The following TUSC3 variants were observed in gnomAD, a reference collection of about 807,000 sequenced individuals.
TUSC3 encodes tumor suppressor candidate 3.
A neutral mutation model predicts 44.8 loss-of-function variants in TUSC3; 45 were observed. That is an observed-to-expected ratio of 1.00 (90% CI 0.79 to 1.29). The LOEUF (loss-of-function observed/expected upper bound fraction) is 1.29. Ranked by LOEUF, TUSC3 falls within the 50% of genes most tolerant of loss-of-function variation. The pLI is 0.00. For synonymous variants in TUSC3, 212 were observed against 152.9 expected (o/e 1.39, Z -2.85); for missense variants, 519 against 437.9 (o/e 1.19, Z -1.65).
At chr8:15,772,475 AAAAC>A in the TUSC3 span, among the ~76,000 whole-genome samples, 1 of 152,194 alleles carries the variant, frequency 6.6e-6, no homozygotes, top group South Asian at 2.1e-4. Flanking sequence ...TTACTCAACA[AAAAC>A]AAAATATGGA....
intron 1 of TUSC3, among the ~76,000 whole-genome samples, chr8:15,542,675 C>G (rs550278453): frequency 1.3e-5 from 2 of 152,190 alleles, no homozygotes; most frequent in South Asian, 4.2e-4. Flanking sequence ...ATAATTAAAT[C>G]TAAATTACAG....
At position 15,659,599 on chromosome 8, in the gene TUSC3, T is replaced by C. The variant is rs1807330791; in HGVS notation, c.519T>C (p.Phe173=). ...ADTFDLQRIG[F]AAEQLAKWIA... is the part of the protein sequence containing the mutation. ...CTTTTGACCTCCAAAGAATTGGATTTGCAGCTGAGCAACTAGCAAAGTGGA... is the reference window on the plus strand; with the variant it reads ...CTTTTGACCTCCAAAGAATTGGATTCGCAGCTGAGCAACTAGCAAAGTGGA... Residue 173 remains phenylalanine, a synonymous_variant, in exon 4 of 11, where the codon TTT becomes TTC. Coordinates refer to ENST00000503731, the MANE Select transcript of TUSC3 (RefSeq NM_006765.4). 1 of 1,613,434 alleles carries C rather than the reference T, an allele frequency of 6.2e-7. No individual in the cohort carries two copies. Among genetic ancestry groups the C allele is most frequent in the South Asian group, 1.1e-5 (1 of 91,084 alleles).
chr8:15,764,284 A>G lies in TUSC3; in HGVS notation c.*128A>G, dbSNP rs1812266668. On this transcript the variant is annotated 3_prime_UTR_variant, in exon 11 of 11. Transcript: ENST00000503731. ...GATAAACTGTTCCTGACTTTATACT[A>G]TTTTGAATTCATTCATTTCATTGTG... 1.3e-6 allele frequency: 2 copies of G among 1,525,018 alleles called. No individual in the cohort carries two copies. The highest frequency in any genetic ancestry group is 1.7e-5 in the Admixed American group (1 of 58,540). 94.5% of individuals were successfully genotyped at this position (1,525,018 alleles called of 1,614,324 possible).
intron 6 of TUSC3, among the ~76,000 whole-genome samples, chr8:15,707,460 T>C (rs1433561108): frequency 1.3e-5 from 2 of 151,978 alleles, no homozygotes; most frequent in South Asian, 2.1e-4. Flanking sequence ...TTTGATCATA[T>C]ATTGTGGCAA....
intron 2 of TUSC3, among the ~76,000 whole-genome samples, chr8:15,650,479 G>A (rs74980976): frequency 0.023 from 3,483 of 152,068 alleles, 123 homozygotes; most frequent in African/African-American, 0.076. Context: ...TGGCTGTGTC[G>A]CAATAAAACT....
chr8:15,451,009 G>T (rs868039194), intron 1 of TUSC3, among the ~76,000 whole-genome samples: 2 of 152,116 alleles, frequency 1.3e-5, no homozygotes, highest in African/African-American at 2.4e-5. Flanking sequence ...GAGAACTGCA[G>T]CTTCCAGAAA....
intron 1 of TUSC3, among the ~76,000 whole-genome samples, chr8:15,542,977 G>A (rs1485210960): frequency 6.6e-6 from 1 of 152,126 alleles, no homozygotes; most frequent in Admixed American, 6.5e-5. Context: ...ATAAGCATGC[G>A]TATCTCTGAA....
intron 1 of TUSC3, among the ~76,000 whole-genome samples, chr8:15,567,493 G>A (rs1802720094): frequency 1.3e-5 from 2 of 152,132 alleles, no homozygotes; most frequent in Non-Finnish European, 2.9e-5. Context: ...ACATACTTAA[G>A]ATTCCTCTTA....
At chr8:15,465,427 C>T (rs1296325226) in intron 1 of TUSC3, among the ~76,000 whole-genome samples, 1 of 152,142 alleles carries the variant, frequency 6.6e-6, no homozygotes, top group Non-Finnish European at 1.5e-5. Context: ...CAATGTGGTC[C>T]ACAATCTCAT....
At chr8:15,703,808 A>T (rs1809502854) in intron 6 of TUSC3, among the ~76,000 whole-genome samples, 1 of 152,050 alleles carries the variant, frequency 6.6e-6, no homozygotes, top group African/African-American at 2.4e-5. Flanking sequence ...CTCAAGCCCC[A>T]CCTCCAACAA....
chr8:15,557,597 T>G (rs1802313086), intron 1 of TUSC3, among the ~76,000 whole-genome samples: 1 of 97,546 alleles, frequency 1.0e-5, no homozygotes, highest in Admixed American at 1.1e-4. Context: ...CCTTGGGCAG[T>G]ACGGCCATTT....
intron 1 of TUSC3, among the ~76,000 whole-genome samples, chr8:15,561,950 G>T (rs914621322): frequency 1.3e-5 from 2 of 152,194 alleles, no homozygotes; most frequent in Admixed American, 1.3e-4. Context: ...TGGAAATGCA[G>T]AAATCACCAT....
chr8:15,760,575 TG>T (rs1332344265), intron 10 of TUSC3, among the ~76,000 whole-genome samples: 1 of 152,062 alleles, frequency 6.6e-6, no homozygotes, highest in Non-Finnish European at 1.5e-5. Context: ...TCTAAATCAT[TG>T]GGGGGTGGGA....
chr8:15,728,670 T>A (rs1810595080), intron 6 of TUSC3, among the ~76,000 whole-genome samples: 1 of 152,172 alleles, frequency 6.6e-6, no homozygotes. Context: ...GTTATCAGAC[T>A]TCCAGTATAT....
rs558519330 is a variant in TUSC3 at position 15,760,499 on chromosome 8, A to AAT, written c.*46+2646_*46+2647dup. The stretch of plus-strand genomic sequence containing the variant: ...TATCTTTCAGTACACCCTGTGGTTT[A>AAT]ATACAAGACTAAGTAACTGCTGTCT... On this transcript the variant is annotated intron_variant, in intron 10 of 10. Transcript: ENST00000503731. 2.7e-3 allele frequency among the ~76,000 whole-genome samples: 407 copies of AAT among 152,268 alleles called. 9 individuals are homozygous for AAT. The highest frequency in any genetic ancestry group is 0.026 in the Admixed American group (396 of 15,286).
At chr8:15,439,395 A>G (rs7822275) in intron 1 of TUSC3, among the ~76,000 whole-genome samples, 24,614 of 151,990 alleles carry the variant, frequency 0.16, 2,024 homozygotes, top group Middle Eastern at 0.22. Context: ...GTGAGTCCTT[A>G]TTTCTACAAA....
chr8:15,604,881 T>G (rs1450195114), intron 1 of TUSC3, among the ~76,000 whole-genome samples: 2 of 151,884 alleles, frequency 1.3e-5, no homozygotes, highest in Non-Finnish European at 2.9e-5. Flanking sequence ...TTTTATTTGT[T>G]GGGCTTATAT....
chr8:15,742,701 G>C (rs1385222143), intron 7 of TUSC3, among the ~76,000 whole-genome samples: 1 of 152,158 alleles, frequency 6.6e-6, no homozygotes, highest in Non-Finnish European at 1.5e-5. Context: ...AGGAGGTTCT[G>C]GGCTAGAATT....
intron 2 of TUSC3, among the ~76,000 whole-genome samples, chr8:15,532,815 A>C (rs1189633807): frequency 1.3e-5 from 2 of 152,020 alleles, no homozygotes; most frequent in Non-Finnish European, 2.9e-5. Context: ...GTTTTTAGAG[A>C]CAGTTTCGCT....
Sources: allele counts gnomAD v4.1 joint callset (sites outside exome capture counted in the v4.1 genomes callset), GRCh38; gene constraint gnomAD v4.1.1; transcripts MANE v1.5; gene names NCBI Gene and HGNC (gene_info 2026-07-23, HGNC 2026-07-21).